Variants in MEIS2 observed in about 807,000 individuals in gnomAD.
MEIS2 encodes the protein homeobox protein Meis2.
A neutral mutation model predicts 58.6 loss-of-function variants in MEIS2; 9 were observed. That is an observed-to-expected ratio of 0.15 (90% confidence interval 0.09 to 0.27). The LOEUF is 0.27. Ranked by LOEUF, MEIS2 falls within the 10% of genes least tolerant of loss-of-function variation. The pLI is 1.00. For synonymous variants in MEIS2, 221 were observed against 228.4 expected (o/e 0.97, Z 0.29); for missense variants, 427 against 635.0 (o/e 0.67, Z 3.52).
At chr15:36,903,473 T>G (rs1023657757) in intron 9 of MEIS2, among the ~76,000 whole-genome samples, 2 of 152,214 alleles carry the variant, frequency 1.3e-5, no homozygotes, top group East Asian at 1.9e-4. Flanking sequence ...TGAATTACTT[T>G]GAAACTTTTA....
chr15:36,935,675 A>C (rs180855863), intron 9 of MEIS2, among the ~76,000 whole-genome samples: 1 of 152,224 alleles, frequency 6.6e-6, no homozygotes. Flanking sequence ...AAATGAAAAA[A>C]CTTTGGAGGC....
At chr15:37,036,327 A>G (rs558949382) in intron 8 of MEIS2, 1 of 152,412 alleles carries the variant, frequency 6.6e-6, no homozygotes, top group Non-Finnish European at 1.5e-5. Flanking sequence ...CATATTTGTA[A>G]ACTGCTTCAG....
intron 9 of MEIS2, among the ~76,000 whole-genome samples, chr15:36,949,081 A>G (rs1260572336): frequency 6.6e-6 from 1 of 151,940 alleles, no homozygotes; most frequent in Non-Finnish European, 1.5e-5. Flanking sequence ...TAGGCATGAA[A>G]AGGACTGCAG....
intron 9 of MEIS2, among the ~76,000 whole-genome samples, chr15:36,944,141 C>G (rs837133): frequency 1.3e-5 from 2 of 151,878 alleles, no homozygotes; most frequent in Admixed American, 1.3e-4. Flanking sequence ...CTCTTATTCA[C>G]AATTGGTATG....
At chr15:36,995,956 G>GATATAT (rs539738718) in intron 8 of MEIS2, among the ~76,000 whole-genome samples, 9 of 112,888 alleles carry the variant, frequency 8.0e-5, no homozygotes, top group African/African-American at 1.3e-4. Context: ...TCTAGTCTGA[G>GATATAT]ATATATATAT....
intron 8 of MEIS2, among the ~76,000 whole-genome samples, chr15:37,017,596 C>T (rs776765399): frequency 2.6e-5 from 4 of 152,038 alleles, no homozygotes; most frequent in South Asian, 2.1e-4. Flanking sequence ...GAGCAAGAAC[C>T]GGCCTCACAC....
intron 5 of MEIS2, 68 bp from the exon 6 acceptor site, chr15:37,093,798 G>T (rs1243074179): frequency 6.3e-7 from 1 of 1,595,502 alleles, no homozygotes; most frequent in African/African-American, 1.3e-5. Context: ...TTCATTTTTA[G>T]AAAGGAAAAA....
intron 8 of MEIS2, among the ~76,000 whole-genome samples, chr15:36,997,549 C>T (rs978749632): frequency 2.7e-5 from 4 of 150,788 alleles, no homozygotes; most frequent in Middle Eastern, 3.4e-3. Context: ...TGCATTGGCG[C>T]GATCTCGGCT....
At chr15:36,982,857 T>C (rs1355533309) in intron 8 of MEIS2, among the ~76,000 whole-genome samples, 1 of 152,168 alleles carries the variant, frequency 6.6e-6, no homozygotes, top group Non-Finnish European at 1.5e-5. Context: ...AGGTGTGAGG[T>C]AGTATCTCAT....
At chr15:36,973,456 T>C (rs563805495) in intron 8 of MEIS2, among the ~76,000 whole-genome samples, 1 of 152,214 alleles carries the variant, frequency 6.6e-6, no homozygotes, top group Admixed American at 6.5e-5. Context: ...CTTTAAAGCT[T>C]AGATCTGCAT....
chr15:37,083,716 C>T (rs983007108), intron 7 of MEIS2, 55 bp downstream of exon 7: 21 of 1,430,096 alleles, frequency 1.5e-5, no homozygotes, highest in Middle Eastern at 1.8e-4. Flanking sequence ...TCATAAAATA[C>T]TGAAGTTATT....
chr15:36,976,148 G>A (rs560687819), intron 8 of MEIS2, among the ~76,000 whole-genome samples: 15 of 151,990 alleles, frequency 9.9e-5, no homozygotes, highest in African/African-American at 2.2e-4. Context: ...GCAGTGGCGC[G>A]ATCTCGGCTC....
intron 8 of MEIS2, among the ~76,000 whole-genome samples, chr15:37,017,324 C>A (rs775703573): frequency 6.6e-6 from 1 of 152,076 alleles, no homozygotes; most frequent in Non-Finnish European, 1.5e-5. Context: ...AGAGTGTGGG[C>A]GGGGTTGGTG....
Position 36,986,005 on chromosome 15 carries a change from C to T in MEIS2, c.901-35605G>A, listed in dbSNP as rs59543305. ...AGATTCTATTGGTATTAGTTTCTAG[C>T]GCCACTGTAATTTTTTATTATTTCT... On this transcript the variant is annotated intron_variant, in intron 8 of 11. Coordinates refer to ENST00000561208, the MANE Select transcript of MEIS2 (RefSeq NM_170675.5). Among the ~76,000 whole-genome samples, 1,307 of 152,210 alleles carry T rather than the reference C, an allele frequency of 8.6e-3. 74 individuals carry two copies. The East Asian group carries it at 0.12, about 14-fold the overall frequency.
At chr15:37,034,261 A>G (rs985853228) in intron 8 of MEIS2, among the ~76,000 whole-genome samples, 1 of 152,184 alleles carries the variant, frequency 6.6e-6, no homozygotes, top group Non-Finnish European at 1.5e-5. Context: ...CTCATTTGAA[A>G]AATGGGGAAA....
intron 8 of MEIS2, among the ~76,000 whole-genome samples, chr15:37,021,989 G>A (rs990797297): frequency 1.9e-4 from 29 of 151,930 alleles, no homozygotes; most frequent in African/African-American, 1.9e-4. Context: ...AGTCCATAAC[G>A]CTCCATAACA....
chr15:37,000,026 C>T (rs1398895189), intron 8 of MEIS2, among the ~76,000 whole-genome samples: 1 of 152,144 alleles, frequency 6.6e-6, no homozygotes, highest in East Asian at 1.9e-4. Flanking sequence ...AAGTTGTACC[C>T]TTTTTATCTT....
chr15:36,941,903 C>A (rs2058388491), intron 9 of MEIS2, among the ~76,000 whole-genome samples: 1 of 152,092 alleles, frequency 6.6e-6, no homozygotes, highest in African/African-American at 2.4e-5. Flanking sequence ...CTATTCCATC[C>A]ACTCCTTGAG....
intron 1 of MEIS2, chr15:37,098,880 G>T: frequency 1.0e-6 from 1 of 983,728 alleles, no homozygotes; most frequent in Non-Finnish European, 1.2e-6. Flanking sequence ...AGGGTGGGGG[G>T]GCGAATAACG....
Sources: allele counts gnomAD v4.1 joint callset (sites outside exome capture counted in the v4.1 genomes callset), GRCh38; gene constraint gnomAD v4.1.1; transcripts MANE v1.5; gene names NCBI Gene and HGNC (gene_info 2026-07-23, HGNC 2026-07-21).